Variants in SMAD5 observed in about 807,000 individuals in gnomAD.
The protein encoded by SMAD5 is SMAD family member 5.
Under a neutral mutation model 43.1 loss-of-function variants are expected in SMAD5, and 9 were observed. The ratio of observed to expected loss-of-function variants is 0.21; its 90% confidence interval spans 0.13 to 0.36. The LOEUF is 0.36. Among genes scored for constraint, SMAD5 ranks in the 10% least tolerant of loss-of-function variants. The pLI is 1.00. For synonymous variants in SMAD5, 190 were observed against 192.4 expected, an observed-to-expected ratio of 0.99 and a Z score of 0.10; for missense variants, 348 against 574.0, an observed-to-expected ratio of 0.61 and a Z score of 4.02.
intron 4 of SMAD5, among the ~76,000 whole-genome samples, chr5:136,161,559 CTG>C (rs1426092072): frequency 6.6e-6 from 1 of 152,198 alleles, no homozygotes. Flanking sequence ...ACTCTAAAGT[CTG>C]TGATCTTTCA....
At chr5:136,138,675 C>T (rs898416847) in intron 1 of SMAD5, among the ~76,000 whole-genome samples, 1 of 151,934 alleles carries the variant, frequency 6.6e-6, no homozygotes, top group Non-Finnish European at 1.5e-5. Context: ...AAGCTTTACC[C>T]CCACATCCCC....
Position 136,163,361 on chromosome 5 carries a change from C to T in SMAD5, c.745C>T (p.Pro249Ser). 1 of 1,607,364 alleles carries T rather than the reference C, an allele frequency of 6.2e-7. No homozygotes were observed. Among genetic ancestry groups the T allele is most frequent in the Non-Finnish European group, 8.5e-7 (1 of 1,174,566 alleles). ...QPMDTSNNMI[P>S]QIMPSISSRD... ...TATGGATACAAGCAATAATATGATT[C>T]CTCAGATTATGCCCAGTATATCCAG... is the stretch of plus-strand genomic sequence containing the variant. The change falls in exon 5 of 8, where the codon CCT (proline) becomes TCT (serine). Residue 249 changes from proline (P) to serine (S), a missense_variant. This residue lies in a region of SMAD5 where 185 missense variants were observed against 207.0 expected (regional missense o/e 0.89). Transcript: ENST00000545279.
rs188761290 is a variant in SMAD5 at position 136,160,350 on chromosome 5, G to A, written c.404-506G>A. On this transcript the variant is annotated intron_variant, in intron 3 of 7. Transcript: ENST00000545279. ...ACATAACAGATTCCAACTTCACTCT[G>A]TAGTCTTAACTCCTTGTTCAGTGCG... is the stretch of plus-strand genomic sequence containing the variant. 4.4e-4 allele frequency among the ~76,000 whole-genome samples: 67 copies of A among 152,244 alleles called. 1 individual carries two copies. The highest frequency in any genetic ancestry group is 8.4e-4 in the Non-Finnish European group (57 of 68,028).
chr5:136,133,838 T>G (rs3764941), intron 1 of SMAD5: 55,080 of 154,388 alleles, frequency 0.36, 10,723 homozygotes, highest in African/African-American at 0.53. Context: ...CCAAAACAGA[T>G]TTTTGGTTGC....
chr5:136,177,206 A>T, intron 7 of SMAD5, 131 bp from the exon 8 acceptor site: 2 of 704,008 alleles, frequency 2.8e-6, no homozygotes, highest in South Asian at 1.8e-5. Flanking sequence ...TGGTTTTGTG[A>T]TAGTTATTCT....
At position 136,141,054 on chromosome 5, in the gene SMAD5, ACT is replaced by A. The variant is rs1415238778; in HGVS notation, c.-244-6775_-244-6774del. Among the ~76,000 whole-genome samples the A allele has an allele frequency of 4.0e-5, 6 of 151,744 alleles. No individual in the cohort carries two copies. In the South Asian group the frequency reaches 6.3e-4, roughly 16 times the overall value. ...TAGTATTGGATTAGAGATTAGGGAA[ACT>A]CTATATAGGATTATGGGGTGATCAG... On this transcript the variant is annotated intron_variant, in intron 1 of 7. Transcript: ENST00000545279.
intron 1 of SMAD5, among the ~76,000 whole-genome samples, chr5:136,141,597 T>C (rs1253839225): frequency 6.6e-6 from 1 of 152,212 alleles, no homozygotes; most frequent in Non-Finnish European, 1.5e-5. Flanking sequence ...CTAGTGCTGA[T>C]AAACCCCTGC....
At chr5:136,150,378 G>A (rs1339126260) in intron 2 of SMAD5, among the ~76,000 whole-genome samples, 1 of 151,802 alleles carries the variant, frequency 6.6e-6, no homozygotes, top group Non-Finnish European at 1.5e-5. Context: ...TAATTTCAAG[G>A]TACAGTTAGT....
intron 1 of SMAD5, among the ~76,000 whole-genome samples, chr5:136,145,877 G>A (rs969983106): frequency 3.3e-5 from 5 of 151,854 alleles, no homozygotes; most frequent in Admixed American, 1.3e-4. Context: ...GTTATATAAA[G>A]TATTACTTTG....
intron 2 of SMAD5, among the ~76,000 whole-genome samples, chr5:136,152,339 C>G (rs980059451): frequency 2.6e-5 from 4 of 152,116 alleles, no homozygotes; most frequent in African/African-American, 9.7e-5. Flanking sequence ...TGGGATGTAA[C>G]AAAGAATCAA....
rs990866681 is a variant in SMAD5 at position 136,179,912 on chromosome 5, G to A, written c.*2432G>A. 2.6e-5 allele frequency: 4 copies of A among 152,178 alleles called. No individual in the cohort carries two copies. Among genetic ancestry groups the A allele is most frequent in the African/African-American group, 4.8e-5 (2 of 41,460 alleles). The allele number at this position is 152,178 out of a possible 1,614,324, so 9.4% of individuals were successfully genotyped here. ...TTGTTTTATTGGTGTTTTCTACTGT[G>A]AGTTAATTAAAAATTGTTTTTATTT... On this transcript the variant is annotated 3_prime_UTR_variant, in exon 8 of 8. Coordinates refer to ENST00000545279, the MANE Select transcript of SMAD5 (RefSeq NM_005903.7).
At chr5:136,173,489 G>A (rs1754295694) in intron 6 of SMAD5, among the ~76,000 whole-genome samples, 1 of 152,104 alleles carries the variant, frequency 6.6e-6, no homozygotes, top group African/African-American at 2.4e-5. Context: ...CCAAAAATAA[G>A]TTACGAAACA....
intron 6 of SMAD5, chr5:136,172,859 A>G (rs1754277457): frequency 1.8e-6 from 1 of 558,160 alleles, no homozygotes; most frequent in Non-Finnish European, 3.2e-6. Context: ...GTTTCTTCCC[A>G]GTGCTAAGGA....
intron 1 of SMAD5, among the ~76,000 whole-genome samples, chr5:136,142,346 A>G (rs896149536): frequency 1.3e-5 from 2 of 152,068 alleles, no homozygotes; most frequent in Non-Finnish European, 2.9e-5. Flanking sequence ...TGTGTTTTGT[A>G]ATGTGATAGA....
chr5:136,158,582 A>T (rs2149771602), intron 3 of SMAD5, among the ~76,000 whole-genome samples: 1 of 152,274 alleles, frequency 6.6e-6, no homozygotes, highest in East Asian at 1.9e-4. Context: ...TTGAGCAGTA[A>T]CCAATATAGG....
chr5:136,137,306 C>T (rs10051021), intron 1 of SMAD5, among the ~76,000 whole-genome samples: 48,421 of 142,958 alleles, frequency 0.34, 9,314 homozygotes, highest in African/African-American at 0.52. Flanking sequence ...CATATATGTA[C>T]TTTATAGACT....
intron 1 of SMAD5, among the ~76,000 whole-genome samples, chr5:136,144,132 T>G (rs1482095247): frequency 6.6e-6 from 1 of 152,104 alleles, no homozygotes; most frequent in Non-Finnish European, 1.5e-5. Flanking sequence ...GAAAATTGAC[T>G]GTCTCACCTA....
chr5:136,132,985 C>G (rs550710902), intron 1 of SMAD5, 23 bp downstream of exon 1: 1 of 152,340 alleles, frequency 6.6e-6, no homozygotes, highest in Non-Finnish European at 1.5e-5. Flanking sequence ...CCCCGGCGCG[C>G]GCGGGCGAGG....
At chr5:136,175,287 A>G (rs964099030) in intron 7 of SMAD5, among the ~76,000 whole-genome samples, 6 of 152,254 alleles carry the variant, frequency 3.9e-5, no homozygotes, top group Non-Finnish European at 8.8e-5. Flanking sequence ...CAGCCAAATC[A>G]TATCAGCATT....
Sources: allele counts gnomAD v4.1 joint callset (sites outside exome capture counted in the v4.1 genomes callset), GRCh38; gene constraint gnomAD v4.1.1; regional missense constraint gnomAD v4.1.1; transcripts MANE v1.5; gene names NCBI Gene and HGNC (gene_info 2026-07-23, HGNC 2026-07-21).